The following TAFA4 variants were observed in gnomAD, a reference collection of about 807,000 sequenced individuals.
The protein encoded by TAFA4 is chemokine-like protein TAFA-4.
Under a neutral mutation model 21.1 loss-of-function variants are expected in TAFA4, and 20 were observed. The observed-to-expected ratio is 0.95, with a 90% confidence interval of 0.67 to 1.38. TAFA4 has a LOEUF of 1.38. TAFA4 is among the 40% of genes most tolerant of loss of function. TAFA4 has a pLI of 0.00. For synonymous variants in TAFA4, 71 were observed against 67.4 expected (o/e 1.05, Z -0.26); for missense variants, 211 against 180.9 (o/e 1.17, Z -0.95).
At chr3:68,883,087 A>C (rs1444265162) in intron 2 of TAFA4, 5 of 152,270 alleles carry the variant, frequency 3.3e-5, no homozygotes. Context: ...CAGTTTCTGT[A>C]AGTCAGGAGT....
intron 3 of TAFA4, among the ~76,000 whole-genome samples, chr3:68,857,931 G>A (rs1705108115): frequency 6.6e-6 from 1 of 152,092 alleles, no homozygotes; most frequent in African/African-American, 2.4e-5. Context: ...AATGCCTAGA[G>A]CAGGCCAATT....
chr3:68,765,757 GAC>G lies in TAFA4; in HGVS notation c.131-12741_131-12740del, dbSNP rs538597638. The stretch of plus-strand genomic sequence containing the variant: ...GAAGTGGACACATCAGCTGTTGACA[GAC>G]ATTTAATAGCCTTTTGGAGGATGGA... On this transcript the variant is annotated intron_variant, in intron 3 of 5. Transcript: ENST00000295569. Among the ~76,000 whole-genome samples, 353 of 152,304 alleles carry G rather than the reference GAC, an allele frequency of 2.3e-3. 1 individual carries two copies. Among genetic ancestry groups the G allele is most frequent in the Non-Finnish European group, 3.7e-3 (252 of 68,016 alleles).
intron 3 of TAFA4, among the ~76,000 whole-genome samples, chr3:68,801,575 G>T (rs930821743): frequency 6.6e-6 from 1 of 152,122 alleles, no homozygotes; most frequent in Non-Finnish European, 1.5e-5. Flanking sequence ...ACCCAGAAAG[G>T]CATTTTTACC....
At chr3:68,867,625 C>T (rs373084779) in intron 3 of TAFA4, among the ~76,000 whole-genome samples, 2 of 151,880 alleles carry the variant, frequency 1.3e-5, no homozygotes, top group African/African-American at 4.8e-5. Flanking sequence ...ATGACAACAG[C>T]AACTTATTAG....
intron 1 of TAFA4, among the ~76,000 whole-genome samples, chr3:68,927,460 G>A (rs1222363591): frequency 5.9e-5 from 9 of 152,124 alleles, no homozygotes; most frequent in Admixed American, 3.9e-4. Context: ...TTTTGTTAAC[G>A]TAACTGAAAT....
intron 3 of TAFA4, among the ~76,000 whole-genome samples, chr3:68,782,235 A>T (rs893297809): frequency 1.3e-5 from 2 of 152,216 alleles, no homozygotes; most frequent in Admixed American, 1.3e-4. Flanking sequence ...GTCGAGAAGC[A>T]TATGAAAAGA....
At chr3:68,770,166 A>T (rs71302148) in intron 3 of TAFA4, among the ~76,000 whole-genome samples, 5,594 of 152,256 alleles carry the variant, frequency 0.037, 315 homozygotes, top group East Asian at 0.25. Flanking sequence ...TTGTGGGTTC[A>T]TTTTTGTTTT....
At chr3:68,923,561 A>G (rs746395411) in intron 1 of TAFA4, among the ~76,000 whole-genome samples, 1 of 152,204 alleles carries the variant, frequency 6.6e-6, no homozygotes, top group Non-Finnish European at 1.5e-5. Context: ...CATGATTATC[A>G]ATTGACAAAG....
At chr3:68,751,463 G>C (rs922839213) in intron 4 of TAFA4, among the ~76,000 whole-genome samples, 5 of 152,170 alleles carry the variant, frequency 3.3e-5, no homozygotes, top group African/African-American at 1.2e-4. Flanking sequence ...AGAAAGAATG[G>C]TTGTGATGTG....
In TAFA4 at chr3:68,736,518, T is replaced by C. The variant is rs576300483; in HGVS notation, c.411+2557A>G. On this transcript the variant is annotated intron_variant, in intron 5 of 5. Coordinates refer to ENST00000295569, the MANE Select transcript of TAFA4 (RefSeq NM_182522.5). ...ATGGAAAATAAAATTCTGACATAGCTGACTTACTGGAGACCATCTTACCTT... is the reference window on the plus strand; with the variant it reads ...ATGGAAAATAAAATTCTGACATAGCCGACTTACTGGAGACCATCTTACCTT... Among the ~76,000 whole-genome samples, 30 of 152,308 alleles carry C rather than the reference T, an allele frequency of 2.0e-4. No homozygotes were observed. The South Asian group carries it at 5.8e-3, about 29-fold the overall frequency.
chr3:68,867,600 C>T (rs2089435308), intron 3 of TAFA4, among the ~76,000 whole-genome samples: 1 of 151,982 alleles, frequency 6.6e-6, no homozygotes, highest in South Asian at 2.1e-4. Context: ...AAAGACAAAT[C>T]TATCAAAAGT....
In TAFA4 at chr3:68,732,179, T is replaced by A. The variant is rs1168559029; in HGVS notation, c.*963A>T. 1 of 152,550 alleles carries A rather than the reference T, an allele frequency of 6.6e-6. No individual in the cohort carries two copies. The highest frequency in any genetic ancestry group is 1.5e-5 in the Non-Finnish European group (1 of 68,008). The allele number at this position is 152,550 out of a possible 1,614,324, so 9.4% of individuals were successfully genotyped here. A position where few individuals can be genotyped will look rare whatever the true frequency, so the allele number is the denominator to read the frequency against. On this transcript the variant is annotated 3_prime_UTR_variant, in exon 6 of 6. Transcript: ENST00000295569. ...TCAGATTTTAAAGAAATAAGATGGCTAACACAGAAGTCACAGAAGTAGGGA... is the reference window on the plus strand; with the variant it reads ...TCAGATTTTAAAGAAATAAGATGGCAAACACAGAAGTCACAGAAGTAGGGA...
chr3:68,898,295 T>C (rs1431400171), intron 1 of TAFA4, among the ~76,000 whole-genome samples: 10 of 152,220 alleles, frequency 6.6e-5, no homozygotes, highest in African/African-American at 2.2e-4. Context: ...GCATATCTGA[T>C]TGTTTTGCCC....
chr3:68,828,196 G>A (rs1178746300), intron 3 of TAFA4, among the ~76,000 whole-genome samples: 2 of 152,112 alleles, frequency 1.3e-5, no homozygotes, highest in Admixed American at 6.5e-5. Flanking sequence ...TGGATGCATG[G>A]TGTTATTTCT....
At chr3:68,817,441 G>T (rs1704007483) in intron 3 of TAFA4, among the ~76,000 whole-genome samples, 1 of 152,010 alleles carries the variant, frequency 6.6e-6, no homozygotes, top group African/African-American at 2.4e-5. Context: ...TCCTGTTAAT[G>T]TTGATCTTTT....
intron 3 of TAFA4, among the ~76,000 whole-genome samples, chr3:68,798,476 A>G (rs1272822725): frequency 6.6e-6 from 1 of 152,208 alleles, no homozygotes; most frequent in Non-Finnish European, 1.5e-5. Flanking sequence ...TTAGAAATGT[A>G]TCTGGAATCT....
intron 3 of TAFA4, among the ~76,000 whole-genome samples, chr3:68,818,567 C>T (rs767092667): frequency 3.3e-5 from 5 of 152,184 alleles, no homozygotes; most frequent in Admixed American, 6.5e-5. Flanking sequence ...AAAGGAGACA[C>T]ATGTGACTCT....
chr3:68,759,866 C>G (rs1702728210), intron 3 of TAFA4, among the ~76,000 whole-genome samples: 1 of 152,116 alleles, frequency 6.6e-6, no homozygotes, highest in Non-Finnish European at 1.5e-5. Context: ...TCCCTTCTGG[C>G]TTTGTCTGGG....
intron 1 of TAFA4, among the ~76,000 whole-genome samples, chr3:68,907,722 G>A (rs141625965): frequency 6.6e-6 from 1 of 152,152 alleles, no homozygotes; most frequent in Admixed American, 6.5e-5. Flanking sequence ...TGGCCCTGAT[G>A]AATTAAAGCC....
Sources: gnomAD v4.1 joint callset for allele counts (sites outside exome capture counted in the v4.1 genomes callset) on GRCh38, gnomAD v4.1.1 for gene constraint, MANE v1.5 for transcripts, NCBI Gene and HGNC (gene_info 2026-07-23, HGNC 2026-07-21) for gene names.